The following PTPRT variants were observed in gnomAD, a reference collection of about 807,000 sequenced individuals.
PTPRT encodes the protein receptor-type tyrosine-protein phosphatase T.
PTPRT carries 56 observed loss-of-function variants against 176.8 expected under a neutral mutation model. The observed-to-expected ratio is 0.32, with a 90% confidence interval of 0.26 to 0.40. The LOEUF (loss-of-function observed/expected upper bound fraction) is 0.40, where lower values mean the gene tolerates loss of function less well. Among genes scored for constraint, PTPRT ranks in the 10% least tolerant of loss-of-function variants. The pLI, the probability that PTPRT is intolerant of heterozygous loss-of-function variation, is 1.00. For synonymous variants in PTPRT, 783 were observed against 739.0 expected (o/e 1.06, Z -0.96); for missense variants, 1,540 against 1,908.2 (o/e 0.81, Z 3.60).
intron 7 of PTPRT, among the ~76,000 whole-genome samples, chr20:42,606,433 T>C (rs979478746): frequency 1.3e-5 from 2 of 152,174 alleles, no homozygotes; most frequent in Non-Finnish European, 2.9e-5. Context: ...CAATAATTAA[T>C]TCTGCCAATA....
chr20:42,780,160 C>T, intron 4 of PTPRT, 58 bp downstream of exon 4: 2 of 1,361,916 alleles, frequency 1.5e-6, no homozygotes, highest in South Asian at 1.2e-5. Flanking sequence ...ATTGCAGGCT[C>T]TATGCTACCC....
rs141081971 is a variant in PTPRT at position 42,697,346 on chromosome 20, T to G, written c.860-19187A>C. 6.5e-3 allele frequency among the ~76,000 whole-genome samples: 987 copies of G among 152,344 alleles called. 5 individuals are homozygous for G. Among genetic ancestry groups the G allele is most frequent in the Non-Finnish European group, 9.5e-3 (648 of 68,032 alleles). Reference sequence around the variant, plus strand: ...ATGCACTTCAAGTGTGTCCAAACATTTGGTTAACCCAGTGTTTTATTTTAC... The same window carrying G: ...ATGCACTTCAAGTGTGTCCAAACATGTGGTTAACCCAGTGTTTTATTTTAC... On this transcript the variant is annotated intron_variant, in intron 6 of 30. Coordinates refer to ENST00000373187, the MANE Select transcript of PTPRT (RefSeq NM_007050.6).
At chr20:42,615,157 A>G (rs913945719) in intron 7 of PTPRT, among the ~76,000 whole-genome samples, 3 of 118,276 alleles carry the variant, frequency 2.5e-5, no homozygotes, top group African/African-American at 3.6e-5. Context: ...TCATTGTTCA[A>G]TTCCCACCTA....
chr20:42,576,432 A>G (rs771352817), intron 7 of PTPRT, among the ~76,000 whole-genome samples: 1 of 152,204 alleles, frequency 6.6e-6, no homozygotes, highest in Non-Finnish European at 1.5e-5. Flanking sequence ...ACAGCTGCTG[A>G]CTGACGGGAT....
At chr20:42,484,239 C>A (rs185981197) in intron 7 of PTPRT, among the ~76,000 whole-genome samples, 78 of 152,254 alleles carry the variant, frequency 5.1e-4, no homozygotes, top group African/African-American at 1.8e-3. Context: ...AGCCAAAAAA[C>A]ATACCCAACA....
At chr20:42,612,586 C>A (rs781519918) in intron 7 of PTPRT, among the ~76,000 whole-genome samples, 7 of 152,148 alleles carry the variant, frequency 4.6e-5, no homozygotes, top group Non-Finnish European at 8.8e-5. Flanking sequence ...TCCTAAAAGA[C>A]CTTGTATTTC....
intron 7 of PTPRT, among the ~76,000 whole-genome samples, chr20:42,513,201 GGTGTGTGTGTGTGTGTGTGT>G (rs58268839): frequency 1.7e-3 from 245 of 144,666 alleles, no homozygotes; most frequent in African/African-American, 3.3e-3. Flanking sequence ...CTATTGATGG[GGTGTGTGTGTGTGTGTGTGT>G]GTGTGTGTGT....
chr20:42,353,155 C>G (rs1333290908), intron 9 of PTPRT, among the ~76,000 whole-genome samples: 1 of 152,156 alleles, frequency 6.6e-6, no homozygotes, highest in African/African-American at 2.4e-5. Context: ...CCCGTGAGGC[C>G]AGTGGTCACC....
Position 42,814,679 on chromosome 20 carries a change from G to A in PTPRT, c.215-23213C>T, listed in dbSNP as rs1196122384. On this transcript the variant is annotated intron_variant, in intron 2 of 30. Coordinates refer to ENST00000373187, the MANE Select transcript of PTPRT (RefSeq NM_007050.6). The stretch of plus-strand genomic sequence containing the variant: ...TCTTTAGTGCCATGTTTCATCAGGA[G>A]GTGGGTGACACAAGAATTCTGTGGT... Among the ~76,000 whole-genome samples, 4 of 152,308 alleles carry A rather than the reference G, an allele frequency of 2.6e-5. 1 individual carries two copies. Among genetic ancestry groups the A allele is most frequent in the Admixed American group, 2.6e-4 (4 of 15,302 alleles).
At chr20:42,424,996 T>G (rs35800638) in intron 9 of PTPRT, among the ~76,000 whole-genome samples, 1 of 151,858 alleles carries the variant, frequency 6.6e-6, no homozygotes, top group African/African-American at 2.4e-5. Context: ...CTATATTTCT[T>G]TGACATTACG....
At chr20:43,048,721 C>T (rs555535996) in intron 1 of PTPRT, among the ~76,000 whole-genome samples, 6 of 152,086 alleles carry the variant, frequency 3.9e-5, no homozygotes, top group East Asian at 1.9e-4. Context: ...ATTTTTCTGG[C>T]GATAGTGAAT....
chr20:42,136,179 C>T (rs1988366182), intron 18 of PTPRT, among the ~76,000 whole-genome samples: 1 of 138,806 alleles, frequency 7.2e-6, no homozygotes, highest in African/African-American at 2.7e-5. Context: ...TATTTGGATA[C>T]TTGATATTCT....
chr20:42,612,540 C>T (rs1262379418), intron 7 of PTPRT, among the ~76,000 whole-genome samples: 4 of 152,106 alleles, frequency 2.6e-5, no homozygotes, highest in African/African-American at 9.7e-5. Flanking sequence ...AAATCCCTCC[C>T]CATGGTGTAA....
At position 42,082,009 on chromosome 20, in the gene PTPRT, C is replaced by G. The variant is rs2146092572; in HGVS notation, c.4145G>C (p.Gly1382Ala). The G allele has an allele frequency of 6.2e-7, 1 of 1,614,192 alleles. No homozygotes were observed. The highest frequency in any genetic ancestry group is 1.3e-5 in the African/African-American group (1 of 75,050). ...GRTVVHCLNG[G>A]GRSGTFCAIC... ...GGCACAGAAGGTTCCACTACGGCCT[C>G]CCCCATTTCTAAACACAGAGCAAAG... The change falls in exon 30 of 31, where the codon GGA becomes GCA. Residue 1382 changes from glycine (G) to alanine (A), a missense_variant. Gly to Ala is a moderately conservative substitution (Grantham distance 60, BLOSUM62 0). Coordinates refer to ENST00000373187, the MANE Select transcript of PTPRT (RefSeq NM_007050.6).
At chr20:42,883,176 A>G (rs578121036) in intron 2 of PTPRT, among the ~76,000 whole-genome samples, 2 of 152,310 alleles carry the variant, frequency 1.3e-5, no homozygotes, top group South Asian at 2.1e-4. Context: ...ACATGCTTAT[A>G]TTCTAGAATA....
intron 13 of PTPRT, among the ~76,000 whole-genome samples, chr20:42,272,694 C>T (rs1223469249): frequency 4.7e-5 from 7 of 149,972 alleles, no homozygotes; most frequent in Admixed American, 4.0e-4. Context: ...TTTATATGTG[C>T]GCGCATGCGT....
the PTPRT span, among the ~76,000 whole-genome samples, chr20:42,055,642 C>T: frequency 6.6e-6 from 1 of 152,140 alleles, no homozygotes; most frequent in Non-Finnish European, 1.5e-5. Flanking sequence ...ACTCTTATTT[C>T]CTCTTGTCTT....
At chr20:42,632,599 T>C (rs2074436284) in intron 7 of PTPRT, among the ~76,000 whole-genome samples, 1 of 151,376 alleles carries the variant, frequency 6.6e-6, no homozygotes, top group Non-Finnish European at 1.5e-5. Context: ...ATATTTACTA[T>C]GTTTACTAAT....
At chr20:43,013,537 G>C (rs556480158) in intron 1 of PTPRT, among the ~76,000 whole-genome samples, 1 of 152,192 alleles carries the variant, frequency 6.6e-6, no homozygotes, top group South Asian at 2.1e-4. Context: ...GACAGAAAGT[G>C]GGGGGTACAT....
Sources: allele counts gnomAD v4.1 joint callset (sites outside exome capture counted in the v4.1 genomes callset), GRCh38; gene constraint gnomAD v4.1.1; transcripts MANE v1.5; gene names NCBI Gene and HGNC (gene_info 2026-07-23, HGNC 2026-07-21).